MICAL3: variants seen among roughly 807,000 people sequenced by gnomAD.
MICAL3 encodes microtubule associated monooxygenase, calponin and LIM domain containing 3.
MICAL3 carries 62 observed loss-of-function variants against 207.4 expected under a neutral mutation model. That is an observed-to-expected ratio of 0.30 (90% CI 0.24 to 0.37). The LOEUF (loss-of-function observed/expected upper bound fraction) is 0.37, where lower values mean the gene tolerates loss of function less well. MICAL3 is among the 10% of genes least tolerant of loss of function. The pLI is 1.00. For missense variants in MICAL3, 2,368 were observed against 2,635.6 expected (o/e 0.90, Z 2.22); for synonymous variants, 1,077 against 1,069.3 (o/e 1.01, Z -0.14).
Position 17,906,880 on chromosome 22 carries a change from C to T in MICAL3, c.-68G>A. ...GCTGTGGGTCCACCTGACACTGTCA[C>T]GTTAATCTGACAAAAAGAAAGAAAA... On this transcript the variant is annotated 5_prime_UTR_variant, in exon 2 of 32. The change creates a new upstream start codon in the 5' untranslated region. Transcript: ENST00000441493. 3 of 1,428,986 alleles carry T rather than the reference C, an allele frequency of 2.1e-6. No homozygotes were observed. Among genetic ancestry groups the T allele is most frequent in the South Asian group, 1.4e-5 (1 of 71,272 alleles). The allele number at this position is 1,428,986 out of a possible 1,614,324, so 88.5% of individuals were successfully genotyped here.
At chr22:17,798,942 G>A (rs1187995424) in intron 29 of MICAL3, among the ~76,000 whole-genome samples, 1 of 151,876 alleles carries the variant, frequency 6.6e-6, no homozygotes, top group Non-Finnish European at 1.5e-5. Flanking sequence ...CAAAGTGCTG[G>A]GATTACAGGT....
chr22:17,954,261 C>T (rs7290544), intron 1 of MICAL3, among the ~76,000 whole-genome samples: 3,974 of 152,168 alleles, frequency 0.026, 190 homozygotes, highest in African/African-American at 0.092. Context: ...GGTGCAGGGA[C>T]CATCGCATTG....
At position 17,822,966 on chromosome 22, in the gene MICAL3, A is replaced by G. The variant is rs1374346453; in HGVS notation, c.3288T>C (p.Thr1096=). 1 of 1,612,486 alleles carries G rather than the reference A, an allele frequency of 6.2e-7. No individual in the cohort carries two copies. The highest frequency in any genetic ancestry group is 8.5e-7 in the Non-Finnish European group (1 of 1,178,814). Reference sequence around the variant, plus strand: ...CCCTACCATCATCCAGCTCAGCACCAGTGTCCCCTGGGTCCCCATCCTCTG... The same window carrying G: ...CCCTACCATCATCCAGCTCAGCACCGGTGTCCCCTGGGTCCCCATCCTCTG... ...EAAEDGDPGD[T]GAELDDDQHW... Residue 1096 remains threonine (T), a synonymous_variant, in exon 23 of 32, where the codon ACT becomes ACC. Coordinates refer to ENST00000441493, the MANE Select transcript of MICAL3 (RefSeq NM_015241.3).
intron 1 of MICAL3, among the ~76,000 whole-genome samples, chr22:17,910,238 A>C (rs1376754261): frequency 6.6e-6 from 1 of 152,118 alleles, no homozygotes; most frequent in Non-Finnish European, 1.5e-5. Context: ...ACCTACCCTG[A>C]AAGAGGGTCT....
intron 1 of MICAL3, among the ~76,000 whole-genome samples, chr22:17,989,414 C>G (rs1270655869): frequency 6.6e-6 from 1 of 152,122 alleles, no homozygotes; most frequent in Non-Finnish European, 1.5e-5. Flanking sequence ...TTGCCAGCTG[C>G]AGCAAGATCC....
At chr22:17,823,125 C>CG in intron 22 of MICAL3, 65 bp from the exon 23 acceptor site, 1 of 1,107,940 alleles carries the variant, frequency 9.0e-7, no homozygotes, top group Non-Finnish European at 1.4e-6. Flanking sequence ...TGCATCTTCA[C>CG]GGGGGCGAGA....
At chr22:17,968,274 A>G (rs973241149) in intron 1 of MICAL3, among the ~76,000 whole-genome samples, 1 of 152,010 alleles carries the variant, frequency 6.6e-6, no homozygotes, top group African/African-American at 2.4e-5. Context: ...GCCTCTGTGG[A>G]AGCGTTGGGG....
At position 17,818,373 on chromosome 22, in the gene MICAL3, G is replaced by A; in HGVS notation, c.4288C>T (p.Leu1430=). ...RELSSSSGLG[L]HGSSSNMKTL... is the part of the protein sequence containing the mutation. ...TTCATGTTGGAGGAGCTCCCGTGCA[G>A]GCCCAGGCCAGAGCTGCTGGACAGC... Residue 1430 remains leucine, a synonymous_variant, in exon 26 of 32, where the codon CTG becomes TTG. Transcript: ENST00000441493. 1.2e-6 allele frequency: 2 copies of A among 1,606,336 alleles called. No individual in the cohort carries two copies. The highest frequency in any genetic ancestry group is 1.7e-6 in the Non-Finnish European group (2 of 1,177,990).
At chr22:17,982,833 C>T (rs1417892779) in intron 1 of MICAL3, among the ~76,000 whole-genome samples, 2 of 152,048 alleles carry the variant, frequency 1.3e-5, no homozygotes, top group African/African-American at 4.8e-5. Context: ...GGTACTTCTT[C>T]CACAGAAACA....
chr22:17,899,423 G>A, intron 7 of MICAL3, 25 bp downstream of exon 7: 1 of 1,455,276 alleles, frequency 6.9e-7, no homozygotes, highest in Non-Finnish European at 9.6e-7. Context: ...ATAAGAAAGA[G>A]TTTTGAAGGA....
chr22:17,971,721 C>T (rs1158420399), intron 1 of MICAL3, among the ~76,000 whole-genome samples: 1 of 152,200 alleles, frequency 6.6e-6, no homozygotes, highest in African/African-American at 2.4e-5. Context: ...TACATCCATA[C>T]TTACACACTG....
intron 19 of MICAL3, chr22:17,861,600 C>A: frequency 4.1e-6 from 4 of 985,414 alleles, no homozygotes; most frequent in Non-Finnish European, 4.8e-6. Flanking sequence ...GGAAAATAAT[C>A]CCTTTTGGGG....
intron 1 of MICAL3, among the ~76,000 whole-genome samples, chr22:18,020,913 C>CAAATAAATAAATAAATAAAT (rs200685200): frequency 7.5e-6 from 1 of 134,214 alleles, no homozygotes; most frequent in Non-Finnish European, 1.6e-5. Context: ...GACCCTGTCT[C>CAAATAAATAAATAAATAAAT]AAATAAATAA....
At chr22:17,963,167 C>T (rs1189343198) in intron 1 of MICAL3, among the ~76,000 whole-genome samples, 4 of 152,172 alleles carry the variant, frequency 2.6e-5, no homozygotes, top group Non-Finnish European at 4.4e-5. Context: ...GACTGTAGTG[C>T]AGTGGGGTGA....
chr22:17,875,628 TA>T, intron 16 of MICAL3: 1 of 806,330 alleles, frequency 1.2e-6, no homozygotes, highest in Non-Finnish European at 1.9e-6. Context: ...CCTCTGAACA[TA>T]AGATGGTTGT....
chr22:17,906,601 T>C lies in MICAL3; in HGVS notation c.212A>G (p.Lys71Arg), dbSNP rs1210443507. 7.4e-6 allele frequency: 12 copies of C among 1,613,646 alleles called. No homozygotes were observed. Among genetic ancestry groups the C allele is most frequent in the Non-Finnish European group, 1.0e-5 (12 of 1,179,746 alleles). ...KAKALWAKLD[K>R]RGSHKDYKKG... ...TTTGTAGTCTTTGTGACTGCCCCGT[T>C]TGTCCAATTTTGCCCAGAGGGCTTT... is the stretch of plus-strand genomic sequence containing the variant. Residue 71 changes from lysine (K) to arginine (R), a missense_variant, in exon 2 of 32, where the codon AAA becomes AGA. By Grantham distance (26) the Lys-to-Arg change is conservative. This residue lies in a region of MICAL3 where 400 missense variants were observed against 547.0 expected (regional missense o/e 0.73). Coordinates refer to ENST00000441493, the MANE Select transcript of MICAL3 (RefSeq NM_015241.3).
At chr22:18,008,014 G>A (rs1369471760) in intron 1 of MICAL3, among the ~76,000 whole-genome samples, 1 of 151,408 alleles carries the variant, frequency 6.6e-6, no homozygotes, top group African/African-American at 2.4e-5. Context: ...GCTGAAGCAG[G>A]TGGATCACTT....
chr22:17,803,713 G>T, intron 29 of MICAL3: 1 of 552,566 alleles, frequency 1.8e-6, no homozygotes, highest in Non-Finnish European at 2.3e-6. Flanking sequence ...TGGTTATTGG[G>T]TTGATTTCTC....
chr22:18,023,842 TC>T (rs2146522819), intron 1 of MICAL3, among the ~76,000 whole-genome samples: 1 of 152,362 alleles, frequency 6.6e-6, no homozygotes, highest in African/African-American at 2.4e-5. Flanking sequence ...GCTCATGGGT[TC>T]ACCGCGCTGA....
Sources: allele counts gnomAD v4.1 joint callset (sites outside exome capture counted in the v4.1 genomes callset), GRCh38; gene constraint gnomAD v4.1.1; regional missense constraint gnomAD v4.1.1; transcripts MANE v1.5; gene names NCBI Gene and HGNC (gene_info 2026-07-23, HGNC 2026-07-21).